Variants in ZFP82 observed in about 807,000 individuals in gnomAD.
ZFP82 encodes the protein zinc finger protein 82 homolog.
ZFP82 carries 30 observed loss-of-function variants against 54.0 expected under a neutral mutation model. That is an observed-to-expected ratio of 0.56 (90% CI 0.42 to 0.75). The LOEUF (loss-of-function observed/expected upper bound fraction) is 0.75, where lower values mean the gene tolerates loss of function less well. ZFP82 is among the 30% of genes least tolerant of loss of function. ZFP82 has a pLI of 0.00. For missense variants in ZFP82, 500 were observed against 636.8 expected (o/e 0.79, Z 2.31); for synonymous variants, 194 against 209.5 (o/e 0.93, Z 0.64).
intron 4 of ZFP82, 31 bp downstream of exon 4, chr19:36,405,549 G>C (rs1285970823): frequency 6.5e-7 from 1 of 1,544,118 alleles, no homozygotes; most frequent in South Asian, 1.1e-5. Flanking sequence ...TCCCTGTGTT[G>C]ATGGCTTCTT....
rs1296203053 is a variant in ZFP82 at position 36,389,240 on chromosome 19, G to A, written c.*3501C>T. On this transcript the variant is annotated 3_prime_UTR_variant, in exon 5 of 5. Transcript: ENST00000392161. Reference sequence around the variant, plus strand: ...TTTAGTAGAGACAGAGTTTCACCATGTTGGCCAGGATGGTCTTGATCTCCT... The same window carrying A: ...TTTAGTAGAGACAGAGTTTCACCATATTGGCCAGGATGGTCTTGATCTCCT... 1.3e-5 allele frequency among the ~76,000 whole-genome samples: 2 copies of A among 152,022 alleles called. No individual in the cohort carries two copies. The highest frequency in any genetic ancestry group is 2.4e-5 in the African/African-American group (1 of 41,400).
At chr19:36,406,105 C>T (rs575587024) in intron 3 of ZFP82, among the ~76,000 whole-genome samples, 1 of 152,108 alleles carries the variant, frequency 6.6e-6, no homozygotes, top group East Asian at 1.9e-4. Context: ...AGAGTATATA[C>T]CAAACACTAT....
intron 4 of ZFP82, among the ~76,000 whole-genome samples, chr19:36,403,533 T>C (rs190003217): frequency 1.4e-3 from 211 of 147,240 alleles, no homozygotes; most frequent in African/African-American, 5.2e-3. Context: ...GGCAGAGAAC[T>C]GCTTAAACCT....
At chr19:36,405,505 A>G (rs2032465252) in intron 4 of ZFP82, 75 bp downstream of exon 4, 1 of 1,142,350 alleles carries the variant, frequency 8.8e-7, no homozygotes. Context: ...TCTAAACAAC[A>G]TAAGGATGTG....
At chr19:36,408,859 A>G (rs1269818665) in intron 2 of ZFP82, among the ~76,000 whole-genome samples, 1 of 152,150 alleles carries the variant, frequency 6.6e-6, no homozygotes, top group African/African-American at 2.4e-5. Flanking sequence ...TAGTCTATAC[A>G]ATGCATATAT....
chr19:36,396,613 G>A (rs1297310574), intron 4 of ZFP82, among the ~76,000 whole-genome samples: 3 of 151,874 alleles, frequency 2.0e-5, no homozygotes, highest in East Asian at 1.9e-4. Flanking sequence ...CCGAGATCGC[G>A]CCACTGCACT....
At chr19:36,399,091 T>A (rs1453355166) in intron 4 of ZFP82, among the ~76,000 whole-genome samples, 1 of 152,032 alleles carries the variant, frequency 6.6e-6, no homozygotes, top group Non-Finnish European at 1.5e-5. Flanking sequence ...TAGCAGGATA[T>A]AAAATAAAAA....
intron 4 of ZFP82, among the ~76,000 whole-genome samples, chr19:36,399,985 C>G (rs937839981): frequency 6.6e-6 from 1 of 152,156 alleles, no homozygotes; most frequent in African/African-American, 2.4e-5. Context: ...GACTTGGACA[C>G]TATCAAAAAT....
Position 36,392,579 on chromosome 19 carries a change from T to G in ZFP82, c.*162A>C. ...ACAGGATTAGTTTTTAGAACAAATA[T>G]GCTGAAGTTTCAGGTTTGAGTGATG... is the stretch of plus-strand genomic sequence containing the variant. On this transcript the variant is annotated 3_prime_UTR_variant, in exon 5 of 5. Coordinates refer to ENST00000392161, the MANE Select transcript of ZFP82 (RefSeq NM_133466.4). The G allele has an allele frequency of 1.7e-6, 1 of 586,112 alleles. No homozygotes were observed. Among genetic ancestry groups the G allele is most frequent in the Non-Finnish European group, 2.8e-6 (1 of 354,664 alleles). 36.3% of individuals were successfully genotyped at this position (586,112 alleles called of 1,614,324 possible). A position where few individuals can be genotyped will look rare whatever the true frequency, so the allele number is the denominator to read the frequency against.
At position 36,405,619 on chromosome 19, in the gene ZFP82, G is replaced by A; in HGVS notation, c.190C>T (p.Pro64Ser). Reference sequence around the variant, plus strand: ...CTTCCTTTCCTCACAACTTTCCAAGGCTCTTTTCCTTGCTCCAATGAGGAA... The same window carrying A: ...CTTCCTTTCCTCACAACTTTCCAAGACTCTTTTCCTTGCTCCAATGAGGAA... ...VISSLEQGKE[P>S]WKVVRKGRRQ... The change falls in exon 4 of 5, where the codon CCT (proline) becomes TCT (serine). Residue 64 changes from proline to serine, a missense_variant. By Grantham distance (74) the Pro-to-Ser change is moderately conservative (BLOSUM62 -1). Coordinates refer to ENST00000392161, the MANE Select transcript of ZFP82 (RefSeq NM_133466.4). The A allele has an allele frequency of 6.2e-7, 1 of 1,610,850 alleles. No homozygotes were observed. The highest frequency in any genetic ancestry group is 8.5e-7 in the Non-Finnish European group (1 of 1,177,766).
chr19:36,417,192 T>C (rs953805699), intron 1 of ZFP82, among the ~76,000 whole-genome samples: 1 of 151,796 alleles, frequency 6.6e-6, no homozygotes, highest in Non-Finnish European at 1.5e-5. Context: ...ATTTTCATTT[T>C]CCCCCCATCT....
At chr19:36,415,394 C>T (rs1356121768) in intron 1 of ZFP82, among the ~76,000 whole-genome samples, 11 of 148,908 alleles carry the variant, frequency 7.4e-5, no homozygotes, top group Non-Finnish European at 1.2e-4. Context: ...CCAGGACTTT[C>T]TTTTTTTTTT....
chr19:36,405,546 G>T, intron 4 of ZFP82, 34 bp downstream of exon 4: 1 of 1,530,358 alleles, frequency 6.5e-7, no homozygotes, highest in Non-Finnish European at 9.0e-7. Context: ...GGTTCCCTGT[G>T]TTGATGGCTT....
Position 36,389,626 on chromosome 19 carries a change from A to G in ZFP82, c.*3115T>C, listed in dbSNP as rs935667583. 1.3e-5 allele frequency among the ~76,000 whole-genome samples: 2 copies of G among 152,236 alleles called. No homozygotes were observed. The highest frequency in any genetic ancestry group is 4.8e-5 in the African/African-American group (2 of 41,468). ...CCATAGTCATGCCTAACATATGAAC[A>G]ATAAATTATTTCGTATCATTTAGTA... On this transcript the variant is annotated 3_prime_UTR_variant, in exon 5 of 5. Transcript: ENST00000392161.
At chr19:36,410,447 G>GTGTGTGTGTGTT (rs1228786569) in intron 1 of ZFP82, among the ~76,000 whole-genome samples, 1 of 151,200 alleles carries the variant, frequency 6.6e-6, no homozygotes, top group African/African-American at 2.4e-5. Flanking sequence ...GTGTGTGTGT[G>GTGTGTGTGTGTT]TGTATATGTG....
intron 1 of ZFP82, among the ~76,000 whole-genome samples, chr19:36,415,943 T>C (rs1420036188): frequency 1.3e-5 from 2 of 152,242 alleles, no homozygotes; most frequent in Non-Finnish European, 2.9e-5. Flanking sequence ...AGTAAAAGTA[T>C]ACCAAAGCAG....
chr19:36,414,816 T>A (rs999131225), intron 1 of ZFP82, among the ~76,000 whole-genome samples: 20 of 142,202 alleles, frequency 1.4e-4, no homozygotes, highest in Non-Finnish European at 4.5e-5. Flanking sequence ...TAAGGTATCA[T>A]ATTAAATACT....
rs1224798987 is a variant in ZFP82, at chr19:36,390,117, G to A, written c.*2624C>T. Among the ~76,000 whole-genome samples the A allele has an allele frequency of 2.0e-5, 3 of 152,012 alleles. No individual in the cohort carries two copies. The highest frequency in any genetic ancestry group is 4.4e-5 in the Non-Finnish European group (3 of 68,010). ...CTGATACACCCAGGTGCTTCTTTAC[G>A]TGACCCTGCATGCCATGCCATGCCT... On this transcript the variant is annotated 3_prime_UTR_variant, in exon 5 of 5. Coordinates refer to ENST00000392161, the MANE Select transcript of ZFP82 (RefSeq NM_133466.4).
At chr19:36,405,186 G>GAA (rs35735133) in intron 4 of ZFP82, among the ~76,000 whole-genome samples, 5 of 88,502 alleles carry the variant, frequency 5.6e-5, no homozygotes, top group Non-Finnish European at 9.0e-5. Flanking sequence ...CTGCATCTCA[G>GAA]AAAAAAAAAA....
Sources: gnomAD v4.1 joint callset for allele counts (sites outside exome capture counted in the v4.1 genomes callset) on GRCh38, gnomAD v4.1.1 for gene constraint, MANE v1.5 for transcripts, NCBI Gene and HGNC (gene_info 2026-07-23, HGNC 2026-07-21) for gene names.